Variants in SHTN1 observed in about 807,000 individuals in gnomAD.
The protein encoded by SHTN1 is shootin-1.
SHTN1 carries 42 observed loss-of-function variants against 83.1 expected under a neutral mutation model. That is an observed-to-expected ratio of 0.51 (90% CI 0.39 to 0.65). The LOEUF (loss-of-function observed/expected upper bound fraction) is 0.65. Among genes scored for constraint, SHTN1 ranks in the 30% least tolerant of loss-of-function variants. The pLI is 0.00. For synonymous variants in SHTN1, 224 were observed against 247.7 expected (o/e 0.90, Z 0.90); for missense variants, 622 against 737.8 (o/e 0.84, Z 1.82).
chr10:116,925,508 C>A (rs1318051792), intron 11 of SHTN1, among the ~76,000 whole-genome samples: 1 of 152,220 alleles, frequency 6.6e-6, no homozygotes, highest in Non-Finnish European at 1.5e-5. Flanking sequence ...TTTTGGGTGT[C>A]CAAGTTGCCA....
rs902314600 is a variant in SHTN1, at chr10:117,061,826, A to T, written c.-188-13316T>A. ...ACTTAGGCTTCTGCGAAACCTAACA[A>T]TCAGCACCAACCAATTGGCCTGCTT... On this transcript the variant is annotated intron_variant, in intron 1 of 17. Transcript: ENST00000392901. 2.6e-5 allele frequency among the ~76,000 whole-genome samples: 4 copies of T among 152,122 alleles called. No individual in the cohort carries two copies. In the East Asian group the frequency reaches 7.7e-4, roughly 29 times the overall value.
At chr10:116,935,735 G>C (rs1474543926) in intron 9 of SHTN1, among the ~76,000 whole-genome samples, 3 of 152,162 alleles carry the variant, frequency 2.0e-5, no homozygotes, top group African/African-American at 7.2e-5. Context: ...GTTTCAGAAG[G>C]AATGGTACCA....
At chr10:117,040,669 T>G (rs1175597856) in intron 2 of SHTN1, among the ~76,000 whole-genome samples, 2 of 152,186 alleles carry the variant, frequency 1.3e-5, no homozygotes, top group African/African-American at 2.4e-5. Flanking sequence ...ATGCATACGC[T>G]TTAGGGCAAG....
At chr10:117,034,663 A>G (rs1372886259) in intron 2 of SHTN1, among the ~76,000 whole-genome samples, 1 of 152,096 alleles carries the variant, frequency 6.6e-6, no homozygotes, top group African/African-American at 2.4e-5. Context: ...ATCAACATAG[A>G]AAAATCAGTG....
At chr10:117,090,810 GAA>G (rs1853420663) in intron 1 of SHTN1, among the ~76,000 whole-genome samples, 1 of 124,008 alleles carries the variant, frequency 8.1e-6, no homozygotes, top group African/African-American at 2.9e-5. Context: ...AGGAAGGAAG[GAA>G]GGAAGGAAAG....
chr10:116,929,545 C>T (rs1564881933), intron 10 of SHTN1, among the ~76,000 whole-genome samples: 2 of 152,092 alleles, frequency 1.3e-5, no homozygotes, highest in African/African-American at 2.4e-5. Context: ...ATCTCTGAAG[C>T]TCTGAAAAAT....
At chr10:117,009,890 G>C (rs1217303001), upstream of SHTN1, among the ~76,000 whole-genome samples, 2 of 151,626 alleles carry the variant, frequency 1.3e-5, no homozygotes, top group Non-Finnish European at 2.9e-5. Flanking sequence ...GCGACAGAGT[G>C]AGACTGTCTC....
chr10:116,886,208 A>C lies in SHTN1; in HGVS notation c.*136T>G. The stretch of plus-strand genomic sequence containing the variant: ...TATGTTTATAGTTGCTACTTACAAA[A>C]GTGACACCAGAAAAGAACCTGTATT... On this transcript the variant is annotated 3_prime_UTR_variant, in exon 17 of 17. Coordinates refer to ENST00000355371, the MANE Select transcript of SHTN1 (RefSeq NM_001127211.3). 8.1e-7 allele frequency: 1 copy of C among 1,240,326 alleles called. No homozygotes were observed. Among genetic ancestry groups the C allele is most frequent in the Non-Finnish European group, 1.1e-6 (1 of 908,062 alleles). The allele number at this position is 1,240,326 out of a possible 1,614,324, so 76.8% of individuals were successfully genotyped here.
At chr10:116,891,500 C>G (rs2531686) in intron 16 of SHTN1, among the ~76,000 whole-genome samples, 90,374 of 152,140 alleles carry the variant, frequency 0.59, 29,882 homozygotes, top group Non-Finnish European at 0.74. Flanking sequence ...TTACCGCCTT[C>G]AAGGACAGAA....
intron 3 of SHTN1, among the ~76,000 whole-genome samples, chr10:116,960,817 T>C (rs1012706734): frequency 2.0e-5 from 3 of 152,316 alleles, no homozygotes; most frequent in African/African-American, 7.2e-5. Flanking sequence ...ATGTACTATA[T>C]GGTTATAAAG....
chr10:117,011,903 G>T (rs1852111157), intron 2 of SHTN1, among the ~76,000 whole-genome samples: 1 of 152,090 alleles, frequency 6.6e-6, no homozygotes, highest in Admixed American at 6.6e-5. Context: ...CACTTTGGGA[G>T]GCCGAGGAGG....
upstream of SHTN1, among the ~76,000 whole-genome samples, chr10:117,006,237 TTTG>T (rs1225845351): frequency 0.017 from 375 of 22,090 alleles, 3 homozygotes; most frequent in African/African-American, 0.018. Context: ...GCAGTTTTTT[TTTG>T]TTTTTTTTTT....
At chr10:116,900,212 G>A in intron 16 of SHTN1, 1 of 257,202 alleles carries the variant, frequency 3.9e-6, no homozygotes, top group Non-Finnish European at 7.4e-6. Flanking sequence ...CGAGCATTAG[G>A]TTTCAAAGTT....
At chr10:117,064,633 C>A (rs1255128171) in intron 1 of SHTN1, among the ~76,000 whole-genome samples, 1 of 142,218 alleles carries the variant, frequency 7.0e-6, no homozygotes, top group Non-Finnish European at 1.5e-5. Context: ...CCAGTCCGGG[C>A]AACAGTGTGA....
At chr10:117,074,881 C>T (rs1853130450) in intron 1 of SHTN1, among the ~76,000 whole-genome samples, 1 of 152,028 alleles carries the variant, frequency 6.6e-6, no homozygotes, top group Non-Finnish European at 1.5e-5. Context: ...TGAGAGTCAT[C>T]CTGGTCAAAG....
Position 116,901,851 on chromosome 10 carries a change from T to C in SHTN1, c.1587A>G (p.Glu529=), listed in dbSNP as rs765494976. 5.6e-6 allele frequency: 9 copies of C among 1,605,824 alleles called. No individual in the cohort carries two copies. In the South Asian group the frequency reaches 1.0e-4, roughly 18 times the overall value. The change falls in exon 16 of 17, where the codon GAA becomes GAG. Residue 529 remains glutamate (E), a synonymous_variant. Coordinates refer to ENST00000355371, the MANE Select transcript of SHTN1 (RefSeq NM_001127211.3). The part of the protein sequence containing the change: ...TALNKKTLEA[E]FNSPSPPTPE... ...GTGTTGGGGGGGACGGGCTGTTGAA[T>C]TCTGCCTCCAGAGTTTTCTTGTTCA...
At chr10:117,122,209 CTG>C (rs1853939886) in intron 1 of SHTN1, among the ~76,000 whole-genome samples, 1 of 152,132 alleles carries the variant, frequency 6.6e-6, no homozygotes, top group Admixed American at 6.5e-5. Flanking sequence ...TGGTCTCACT[CTG>C]TTACCCAGGC....
chr10:116,993,530 A>G (rs1415894636), intron 1 of SHTN1, among the ~76,000 whole-genome samples: 2 of 152,266 alleles, frequency 1.3e-5, no homozygotes, highest in African/African-American at 4.8e-5. Flanking sequence ...AAAAACAACT[A>G]TGTCTTCTGA....
rs575000196 is a variant in SHTN1 at position 116,887,000 on chromosome 10, TGAG to T, written c.1674-437_1674-435del. Among the ~76,000 whole-genome samples the T allele has an allele frequency of 2.4e-3, 366 of 151,740 alleles. 1 individual carries two copies. The highest frequency in any genetic ancestry group is 8.5e-3 in the African/African-American group (352 of 41,408). ...GGTATGGCTGGTTGCAGGGTAGTGC[TGAG>T]GAGCCTGCAGGGACAAGGGGAGTAA... On this transcript the variant is annotated intron_variant, in intron 16 of 16. Transcript: ENST00000355371.
Sources: allele counts gnomAD v4.1 joint callset (sites outside exome capture counted in the v4.1 genomes callset), GRCh38; gene constraint gnomAD v4.1.1; transcripts MANE v1.5; gene names NCBI Gene and HGNC (gene_info 2026-07-23, HGNC 2026-07-21).